Variants in MYO1H observed in about 807,000 individuals in gnomAD.
MYO1H encodes the protein unconventional myosin-Ih.
A neutral mutation model predicts 149.3 loss-of-function variants in MYO1H; 118 were observed. The observed-to-expected ratio is 0.79, with a 90% CI of 0.68 to 0.92. The LOEUF (loss-of-function observed/expected upper bound fraction) is 0.92, where lower values mean the gene tolerates loss of function less well. Ranked by LOEUF, MYO1H falls within the 40% of genes least tolerant of loss-of-function variation. MYO1H has a pLI of 0.00. For missense variants in MYO1H, 1,212 were observed against 1,280.7 expected (o/e 0.95, Z 0.82); for synonymous variants, 447 against 465.2 (o/e 0.96, Z 0.50).
intron 16 of MYO1H, among the ~76,000 whole-genome samples, chr12:109,423,649 G>C (rs10850134): frequency 0.33 from 50,302 of 152,012 alleles, 8,480 homozygotes; most frequent in Admixed American, 0.4. Context: ...ATGAACTTCA[G>C]TCCTCTAGGG....
chr12:109,393,183 A>G, intron 2 of MYO1H, 148 bp from the exon 3 acceptor site: 1 of 615,666 alleles, frequency 1.6e-6, no homozygotes, highest in South Asian at 1.9e-5. Context: ...TGTCTCCCTC[A>G]TACACCTGCC....
At chr12:109,425,799 G>T in intron 17 of MYO1H, 147 bp from the exon 18 acceptor site, 3 of 649,380 alleles carry the variant, frequency 4.6e-6, no homozygotes, top group Non-Finnish European at 8.1e-6. Context: ...ACCTCTTAAT[G>T]GGCCAGATGG....
intron 22 of MYO1H, among the ~76,000 whole-genome samples, chr12:109,437,170 T>C (rs1020005288): frequency 2.0e-5 from 3 of 152,100 alleles, no homozygotes; most frequent in African/African-American, 7.2e-5. Flanking sequence ...AGCCCTTCCA[T>C]TTTTTTGTCC....
chr12:109,435,252 T>C, intron 21 of MYO1H, 139 bp downstream of exon 21: 2 of 600,282 alleles, frequency 3.3e-6, no homozygotes, highest in South Asian at 4.3e-5. Flanking sequence ...TATGGGATTA[T>C]GATAAGATCC....
intron 25 of MYO1H, 149 bp from the exon 26 acceptor site, chr12:109,441,466 C>A: frequency 2.1e-6 from 1 of 482,420 alleles, no homozygotes; most frequent in Non-Finnish European, 3.7e-6. Flanking sequence ...TTGGCCAAAG[C>A]CAGGAAGGTG....
At chr12:109,388,796 T>C (rs765104789) in exon 2 of MYO1H, 182 of 1,613,328 alleles carry the variant, frequency 1.1e-4, no homozygotes, top group Non-Finnish European at 1.5e-4. Flanking sequence ...CCAGCGAATC[T>C]GCCTTTGTCG....
Position 109,443,395 on chromosome 12 carries a change from T to C in MYO1H, c.2689-119T>C, listed in dbSNP as rs867262319. ...ACACACACACACACACACACACACA[T>C]ACACGCAAAATCTGTTTGAGCTTTT... On this transcript the variant is annotated intron_variant, in intron 27 of 31. Coordinates refer to ENST00000310903, the Ensembl canonical transcript of MYO1H. 6.8e-3 allele frequency: 5,353 copies of C among 788,534 alleles called. 148 individuals are homozygous for C. Among genetic ancestry groups the C allele is most frequent in the African/African-American group, 0.032 (1,547 of 47,688 alleles). 48.8% of individuals were successfully genotyped at this position (788,534 alleles called of 1,614,324 possible).
the MYO1H span, among the ~76,000 whole-genome samples, chr12:109,328,157 C>CGTGT: frequency 3.5e-5 from 5 of 142,626 alleles, no homozygotes; most frequent in African/African-American, 1.0e-4. Context: ...TATATATATG[C>CGTGT]GTGTGTGTGT....
At chr12:109,346,466 G>A (rs7295041), upstream of MYO1H, among the ~76,000 whole-genome samples, 51,406 of 152,112 alleles carry the variant, frequency 0.34, 9,106 homozygotes, top group Middle Eastern at 0.46. Context: ...AAAAATGTAT[G>A]AAGAATCATA....
upstream of MYO1H, among the ~76,000 whole-genome samples, chr12:109,347,392 A>G (rs1868359263): frequency 6.6e-6 from 1 of 152,182 alleles, no homozygotes; most frequent in Admixed American, 6.5e-5. Flanking sequence ...GCATCACTTC[A>G]GCATCTGAAA....
the MYO1H span, among the ~76,000 whole-genome samples, chr12:109,319,116 T>A: frequency 6.6e-6 from 1 of 152,014 alleles, no homozygotes; most frequent in Non-Finnish European, 1.5e-5. Flanking sequence ...AAAGAGATAT[T>A]TGCATACTCA....
At chr12:109,314,542 G>T in the MYO1H span, among the ~76,000 whole-genome samples, 3 of 152,126 alleles carry the variant, frequency 2.0e-5, no homozygotes, top group African/African-American at 7.2e-5. Context: ...CTTCATGATG[G>T]CTCCGCTGTG....
At chr12:109,373,263 G>A (rs772334579) in intron 1 of MYO1H, among the ~76,000 whole-genome samples, 19 of 151,964 alleles carry the variant, frequency 1.3e-4, no homozygotes, top group Admixed American at 7.9e-4. Context: ...GAAAACTTAC[G>A]TCTTTTTCTT....
At chr12:109,359,658 A>G (rs1868696593) in intron 1 of MYO1H, among the ~76,000 whole-genome samples, 1 of 152,198 alleles carries the variant, frequency 6.6e-6, no homozygotes, top group East Asian at 1.9e-4. Flanking sequence ...ACTGAAAGGA[A>G]ATGGAGGGCT....
chr12:109,354,648 A>ATCCCAGCC (rs771926377), intron 1 of MYO1H, among the ~76,000 whole-genome samples: 5 of 151,358 alleles, frequency 3.3e-5, no homozygotes, highest in Admixed American at 1.3e-4. Flanking sequence ...AAGAAAAGAA[A>ATCCCAGCC]TCCCAGCCTG....
At chr12:109,390,699 C>T (rs936646266) in intron 2 of MYO1H, among the ~76,000 whole-genome samples, 1 of 151,704 alleles carries the variant, frequency 6.6e-6, no homozygotes, top group Non-Finnish European at 1.5e-5. Flanking sequence ...GAGTCTCACT[C>T]TGTCGCCCAG....
intron 1 of MYO1H, among the ~76,000 whole-genome samples, chr12:109,348,351 T>G (rs1868385368): frequency 6.8e-6 from 1 of 146,508 alleles, no homozygotes. Context: ...GGGAACTGAA[T>G]TGTAAATTTG....
chr12:109,366,188 A>G (rs1868861790), intron 1 of MYO1H, among the ~76,000 whole-genome samples: 1 of 152,160 alleles, frequency 6.6e-6, no homozygotes, highest in African/African-American at 2.4e-5. Flanking sequence ...TGCCTTCTTC[A>G]GAACTTCTTA....
upstream of MYO1H, among the ~76,000 whole-genome samples, chr12:109,346,525 C>T (rs567893539): frequency 7.2e-5 from 11 of 152,312 alleles, no homozygotes; most frequent in East Asian, 2.1e-3. Flanking sequence ...CTTTGGGAGG[C>T]TGAGGCAGGT....
Sources: allele counts gnomAD v4.1 joint callset (sites outside exome capture counted in the v4.1 genomes callset), GRCh38; gene constraint gnomAD v4.1.1; transcripts MANE v1.5; gene names NCBI Gene and HGNC (gene_info 2026-07-23, HGNC 2026-07-21).